Variants in VDR observed in about 807,000 individuals in gnomAD.
VDR encodes vitamin D3 receptor.
In VDR, 19 loss-of-function variants were observed where a neutral mutation model predicts 39.7. The observed-to-expected ratio is 0.48, with a 90% CI of 0.33 to 0.70. VDR has a LOEUF of 0.70. Among genes scored for constraint, VDR ranks in the 30% least tolerant of loss-of-function variants. The pLI is 0.02. For synonymous variants in VDR, 242 were observed against 215.8 expected, an observed-to-expected ratio of 1.12 and a Z score of -1.07; for missense variants, 442 against 570.5, an observed-to-expected ratio of 0.77 and a Z score of 2.29.
intron 7 of VDR, among the ~76,000 whole-genome samples, chr12:47,852,442 C>T (rs1387275111): frequency 6.6e-6 from 1 of 152,164 alleles, no homozygotes; most frequent in Non-Finnish European, 1.5e-5. Flanking sequence ...GTTGTCAGTT[C>T]CAAAGAAAGC....
chr12:47,857,323 G>T, intron 5 of VDR, 74 bp from the exon 6 acceptor site: 28 of 1,612,050 alleles, frequency 1.7e-5, no homozygotes, highest in Non-Finnish European at 2.4e-5. Context: ...TCTCTGATAG[G>T]AATGGCTTTG....
chr12:47,888,242 C>T (rs538045520), intron 1 of VDR, among the ~76,000 whole-genome samples: 7 of 152,316 alleles, frequency 4.6e-5, no homozygotes, highest in African/African-American at 1.7e-4. Context: ...GATTCAATTA[C>T]CTCCCCCTGG....
At chr12:47,903,313 C>T (rs539492091) in intron 1 of VDR, among the ~76,000 whole-genome samples, 6 of 152,324 alleles carry the variant, frequency 3.9e-5, no homozygotes, top group African/African-American at 1.2e-4. Context: ...GGATTGGCCT[C>T]CCAGGACTCT....
At chr12:47,880,171 C>A (rs1341641845) in intron 2 of VDR, among the ~76,000 whole-genome samples, 10 of 152,060 alleles carry the variant, frequency 6.6e-5, no homozygotes, top group Admixed American at 2.6e-4. Context: ...CCCCTTTGAC[C>A]CTAGGCAAAG....
chr12:47,845,094 A>T, intron 9 of VDR, 89 bp from the exon 10 acceptor site: 1 of 1,584,610 alleles, frequency 6.3e-7, no homozygotes, highest in Non-Finnish European at 8.5e-7. Flanking sequence ...CCACACAGAC[A>T]CTCAACGGCA....
chr12:47,869,535 C>CAAAAAA (rs33940574), intron 3 of VDR, among the ~76,000 whole-genome samples: 2 of 68,968 alleles, frequency 2.9e-5, no homozygotes, highest in Non-Finnish European at 5.1e-5. Flanking sequence ...GACTCCATCT[C>CAAAAAA]AAAAAAAAAA....
At chr12:47,866,306 A>T (rs1945734500) in intron 3 of VDR, among the ~76,000 whole-genome samples, 1 of 150,304 alleles carries the variant, frequency 6.7e-6, no homozygotes, top group Non-Finnish European at 1.5e-5. Flanking sequence ...ACGGGGTTTC[A>T]CTGTGGTCTC....
intron 7 of VDR, among the ~76,000 whole-genome samples, chr12:47,851,384 G>T (rs1190681410): frequency 6.6e-6 from 1 of 152,050 alleles, no homozygotes; most frequent in Non-Finnish European, 1.5e-5. Context: ...GCAGGCCAAG[G>T]CCACACTGTA....
At chr12:47,853,252 C>T (rs528252786) in intron 7 of VDR, among the ~76,000 whole-genome samples, 91 of 151,442 alleles carry the variant, frequency 6.0e-4, no homozygotes, top group African/African-American at 2.1e-3. Flanking sequence ...ACCATCCTGG[C>T]TAACACGGTG....
intron 4 of VDR, among the ~76,000 whole-genome samples, chr12:47,859,861 CCTTCT>C (rs1945574232): frequency 4.6e-5 from 2 of 43,048 alleles, no homozygotes; most frequent in African/African-American, 2.2e-4. Flanking sequence ...TTCCTTCCTT[CCTTCT>C]TTCCTTCCTT....
Position 47,879,133 on chromosome 12 carries a change from AG to A in VDR, c.-2-19del, listed in dbSNP as rs764303151. 6.2e-7 allele frequency: 1 copy of A among 1,612,704 alleles called. No homozygotes were observed. Among genetic ancestry groups the A allele is most frequent in the South Asian group, 1.1e-5 (1 of 91,040 alleles). ...CTCCATCCCTGTAAGAACAGCAAGCAGGCCACGGTCAGAGCCAGAGTCAGTG... is the reference window on the plus strand; with the variant it reads ...CTCCATCCCTGTAAGAACAGCAAGCAGCCACGGTCAGAGCCAGAGTCAGTG... On this transcript the variant is annotated intron_variant, in intron 2 of 9. Coordinates refer to ENST00000549336, the MANE Select transcript of VDR (RefSeq NM_000376.3).
chr12:47,882,490 C>T (rs12721399), intron 2 of VDR, among the ~76,000 whole-genome samples: 134 of 152,184 alleles, frequency 8.8e-4, no homozygotes, highest in Non-Finnish European at 1.3e-3. Context: ...GCCCCATCTC[C>T]TGAGCCCTTC....
chr12:47,897,380 A>T (rs1946481664), intron 1 of VDR, among the ~76,000 whole-genome samples: 1 of 152,182 alleles, frequency 6.6e-6, no homozygotes. Context: ...GGGTGAGGGG[A>T]TGGCTGGAGA....
At chr12:47,846,073 A>T (rs1945273557) in intron 9 of VDR, among the ~76,000 whole-genome samples, 1 of 152,236 alleles carries the variant, frequency 6.6e-6, no homozygotes, top group South Asian at 2.1e-4. Flanking sequence ...CTGTGGCCCC[A>T]GGAACCCTGC....
intron 2 of VDR, among the ~76,000 whole-genome samples, chr12:47,880,936 A>G (rs1385295215): frequency 1.3e-5 from 2 of 148,702 alleles, no homozygotes; most frequent in Non-Finnish European, 3.0e-5. Flanking sequence ...TAGCAGCTAC[A>G]TATACATTAA....
At chr12:47,897,176 T>C (rs548986261) in intron 1 of VDR, 2 of 152,294 alleles carry the variant, frequency 1.3e-5, no homozygotes, top group Admixed American at 6.5e-5. Context: ...TTCTATAAAA[T>C]GGGTATAATT....
chr12:47,899,049 G>T (rs189251111), intron 1 of VDR, among the ~76,000 whole-genome samples: 7 of 152,144 alleles, frequency 4.6e-5, no homozygotes, highest in African/African-American at 9.6e-5. Flanking sequence ...GATATATCGC[G>T]GTTTTTAAAA....
intron 2 of VDR, among the ~76,000 whole-genome samples, chr12:47,880,858 A>T (rs900865154): frequency 7.0e-6 from 1 of 143,790 alleles, no homozygotes; most frequent in South Asian, 2.1e-4. Flanking sequence ...ATAAATACAT[A>T]TTAATATATA....
chr12:47,853,091 A>G (rs1223016701), intron 7 of VDR, among the ~76,000 whole-genome samples: 1 of 152,254 alleles, frequency 6.6e-6, no homozygotes. Context: ...ATGAAGATAC[A>G]AATATACATA....
Sources: allele counts gnomAD v4.1 joint callset (sites outside exome capture counted in the v4.1 genomes callset), GRCh38; gene constraint gnomAD v4.1.1; transcripts MANE v1.5; gene names NCBI Gene and HGNC (gene_info 2026-07-23, HGNC 2026-07-21).